Variants in WDR41 observed in about 807,000 individuals in gnomAD.
WDR41 encodes WD repeat domain 41.
In WDR41, 63 loss-of-function variants were observed where a neutral mutation model predicts 69.3. The ratio of observed to expected loss-of-function variants is 0.91; its 90% CI spans 0.74 to 1.12. WDR41 has a LOEUF of 1.12. WDR41 is among the 50% of genes most tolerant of loss of function. The pLI is 0.00. For missense variants in WDR41, 543 were observed against 534.5 expected (o/e 1.02, Z -0.16); for synonymous variants, 185 against 192.1 (o/e 0.96, Z 0.31).
At chr5:77,605,869 T>C (rs1335737856) in intron 1 of WDR41, among the ~76,000 whole-genome samples, 1 of 152,126 alleles carries the variant, frequency 6.6e-6, no homozygotes, top group Non-Finnish European at 1.5e-5. Flanking sequence ...CCTATACCTT[T>C]ATACCTATAT....
intron 1 of WDR41, among the ~76,000 whole-genome samples, chr5:77,503,525 C>T (rs1266806696): frequency 1.3e-5 from 2 of 152,168 alleles, no homozygotes; most frequent in African/African-American, 2.4e-5. Context: ...ACCAAGCAGA[C>T]CTAATAGACA....
chr5:77,483,532 C>T (rs1801381388), intron 2 of WDR41, among the ~76,000 whole-genome samples: 1 of 148,838 alleles, frequency 6.7e-6, no homozygotes, highest in Non-Finnish European at 1.5e-5. Context: ...GTGTATGCAA[C>T]GTATGCATTG....
intron 1 of WDR41, among the ~76,000 whole-genome samples, chr5:77,616,008 A>C (rs1206750123): frequency 1.3e-5 from 2 of 151,800 alleles, no homozygotes; most frequent in African/African-American, 4.8e-5. Context: ...AAAATAAATA[A>C]ATAAATAAAT....
chr5:77,481,100 C>T (rs1402721798), intron 2 of WDR41, among the ~76,000 whole-genome samples: 1 of 151,814 alleles, frequency 6.6e-6, no homozygotes, highest in East Asian at 1.9e-4. Context: ...CAGCTCACTG[C>T]AACTTCTGCC....
chr5:77,454,695 G>T (rs897693451), intron 5 of WDR41, among the ~76,000 whole-genome samples: 4 of 152,180 alleles, frequency 2.6e-5, no homozygotes, highest in Non-Finnish European at 4.4e-5. Context: ...GAGCGAGAGA[G>T]AAGAACAGAA....
chr5:77,499,667 C>A (rs1359044900), intron 1 of WDR41: 1 of 152,012 alleles, frequency 6.6e-6, no homozygotes, highest in African/African-American at 2.4e-5. Context: ...AAAAGGGAAA[C>A]CCCAAGGAAA....
chr5:77,585,617 C>T (rs1217510476), intron 1 of WDR41, among the ~76,000 whole-genome samples: 1 of 152,096 alleles, frequency 6.6e-6, no homozygotes, highest in Non-Finnish European at 1.5e-5. Flanking sequence ...CTGTGGTATA[C>T]ATATACAATG....
At chr5:77,588,116 T>C (rs1200909291) in intron 1 of WDR41, among the ~76,000 whole-genome samples, 2 of 152,224 alleles carry the variant, frequency 1.3e-5, no homozygotes, top group Non-Finnish European at 2.9e-5. Flanking sequence ...ACAATCCATT[T>C]AAAACTAGAT....
chr5:77,606,860 G>A (rs916423481), intron 1 of WDR41, among the ~76,000 whole-genome samples: 1 of 151,012 alleles, frequency 6.6e-6, no homozygotes, highest in Non-Finnish European at 1.5e-5. Context: ...ATATCATGAG[G>A]CTTGGGGTGA....
chr5:77,521,673 C>T (rs1284631444), intron 1 of WDR41, among the ~76,000 whole-genome samples: 3 of 152,248 alleles, frequency 2.0e-5, no homozygotes, highest in South Asian at 2.1e-4. Context: ...CATTTTATGG[C>T]GAAACCTAAC....
intron 1 of WDR41, among the ~76,000 whole-genome samples, chr5:77,539,080 A>G (rs1743041942): frequency 6.6e-6 from 1 of 152,054 alleles, no homozygotes; most frequent in Admixed American, 6.6e-5. Context: ...GGAGAGAGAG[A>G]GAGATCATCT....
chr5:77,550,283 A>G (rs1346160656), intron 1 of WDR41, among the ~76,000 whole-genome samples: 2 of 152,214 alleles, frequency 1.3e-5, no homozygotes, highest in Admixed American at 6.5e-5. Flanking sequence ...CAGCAAAAAA[A>G]ATGATCAACA....
At chr5:77,554,794 G>T (rs1178248034) in intron 1 of WDR41, among the ~76,000 whole-genome samples, 1 of 152,046 alleles carries the variant, frequency 6.6e-6, no homozygotes, top group Non-Finnish European at 1.5e-5. Flanking sequence ...TTGAACAGTG[G>T]TAGTGGATAC....
chr5:77,433,816 T>C (rs1798825951), intron 12 of WDR41, among the ~76,000 whole-genome samples: 1 of 152,146 alleles, frequency 6.6e-6, no homozygotes, highest in Admixed American at 6.5e-5. Flanking sequence ...AATAATGCAG[T>C]ATAGACTATG....
In WDR41 at chr5:77,432,982, G is replaced by A; in HGVS notation, c.*153C>T. 2 of 738,086 alleles carry A rather than the reference G, an allele frequency of 2.7e-6. No homozygotes were observed. Among genetic ancestry groups the A allele is most frequent in the East Asian group, 2.8e-5 (1 of 35,568 alleles). 45.7% of individuals were successfully genotyped at this position (738,086 alleles called of 1,614,324 possible). A position where few individuals can be genotyped will look rare whatever the true frequency, so the allele number is the denominator to read the frequency against. Reference sequence around the variant, plus strand: ...GGACCTGAGAAGCAACATGTTCCTGGTTGGTAGGTCCACAAAAAATTTAAA... The same window carrying A: ...GGACCTGAGAAGCAACATGTTCCTGATTGGTAGGTCCACAAAAAATTTAAA... On this transcript the variant is annotated 3_prime_UTR_variant, in exon 13 of 13. Coordinates refer to ENST00000296679, the MANE Select transcript of WDR41 (RefSeq NM_018268.4).
At chr5:77,538,231 G>C (rs34553693) in intron 1 of WDR41, among the ~76,000 whole-genome samples, 49,693 of 151,958 alleles carry the variant, frequency 0.33, 8,231 homozygotes, top group Middle Eastern at 0.36. Context: ...TTTCATTTAA[G>C]ATAATGACCT....
chr5:77,598,991 T>A (rs1404685845), intron 1 of WDR41, among the ~76,000 whole-genome samples: 1 of 152,072 alleles, frequency 6.6e-6, no homozygotes, highest in African/African-American at 2.4e-5. Flanking sequence ...CTTTAGACCT[T>A]TAGGGATGTG....
At chr5:77,587,389 A>G (rs1744059808) in intron 1 of WDR41, among the ~76,000 whole-genome samples, 1 of 152,198 alleles carries the variant, frequency 6.6e-6, no homozygotes, top group Admixed American at 6.5e-5. Context: ...GGGTCTTAAG[A>G]TACGCACACA....
intron 2 of WDR41, chr5:77,480,013 G>C (rs1292712312): frequency 6.6e-6 from 1 of 152,000 alleles, no homozygotes; most frequent in Non-Finnish European, 1.5e-5. Context: ...AGTGGGCGAA[G>C]GACATGAACA....
Sources: allele counts gnomAD v4.1 joint callset (sites outside exome capture counted in the v4.1 genomes callset), GRCh38; gene constraint gnomAD v4.1.1; transcripts MANE v1.5; gene names NCBI Gene and HGNC (gene_info 2026-07-23, HGNC 2026-07-21).